SGCZ: variants seen among roughly 807,000 people sequenced by gnomAD.
SGCZ encodes sarcoglycan zeta.
A neutral mutation model predicts 41.3 loss-of-function variants in SGCZ; 40 were observed. The ratio of observed to expected loss-of-function variants is 0.97; its 90% CI spans 0.75 to 1.26. The LOEUF is 1.26. SGCZ is among the 50% of genes most tolerant of loss of function. The pLI, the probability that SGCZ is intolerant of heterozygous loss-of-function variation, is 0.00. For missense variants in SGCZ, 552 were observed against 369.8 expected (o/e 1.49, Z -4.04); for synonymous variants, 206 against 137.5 (o/e 1.50, Z -3.49).
chr8:15,117,222 G>A (rs960910439), intron 1 of SGCZ, among the ~76,000 whole-genome samples: 1 of 152,044 alleles, frequency 6.6e-6, no homozygotes, highest in Admixed American at 6.6e-5. Context: ...AGCTGGGCGC[G>A]GTAGCAGGCG....
intron 4 of SGCZ, among the ~76,000 whole-genome samples, chr8:14,184,013 A>T (rs1415924974): frequency 1.3e-5 from 2 of 152,178 alleles, no homozygotes; most frequent in African/African-American, 2.4e-5. Flanking sequence ...ATAAATATCG[A>T]TTTTATATTA....
chr8:14,756,698 A>C (rs985930407), intron 1 of SGCZ, among the ~76,000 whole-genome samples: 47 of 152,226 alleles, frequency 3.1e-4, no homozygotes, highest in African/African-American at 1.1e-3. Context: ...TTGATCAGTA[A>C]ATGGTGATAA....
intron 1 of SGCZ, among the ~76,000 whole-genome samples, chr8:15,076,851 A>G (rs1026604471): frequency 6.0e-5 from 9 of 150,272 alleles, no homozygotes; most frequent in Admixed American, 4.7e-4. Flanking sequence ...AAAGAGAGGG[A>G]AAAAAAAGAG....
intron 1 of SGCZ, among the ~76,000 whole-genome samples, chr8:15,165,803 A>C (rs1357553883): frequency 4.6e-5 from 7 of 152,236 alleles, no homozygotes; most frequent in African/African-American, 1.7e-4. Flanking sequence ...GGAATTGTGG[A>C]AATTAATCTT....
intron 1 of SGCZ, among the ~76,000 whole-genome samples, chr8:14,715,126 G>T (rs576518604): frequency 6.6e-6 from 1 of 152,070 alleles, no homozygotes; most frequent in Non-Finnish European, 1.5e-5. Context: ...GCATATTCAT[G>T]GAAATCTGGA....
intron 1 of SGCZ, among the ~76,000 whole-genome samples, chr8:14,667,525 G>C (rs1213562516): frequency 1.3e-5 from 2 of 152,182 alleles, no homozygotes; most frequent in East Asian, 1.9e-4. Context: ...TAAAAATACA[G>C]TCATAAAATA....
intron 1 of SGCZ, among the ~76,000 whole-genome samples, chr8:14,960,955 ACACACACACT>A (rs776251691): frequency 9.2e-4 from 137 of 148,358 alleles, no homozygotes; most frequent in African/African-American, 3.2e-3. Flanking sequence ...ACACACACAC[ACACACACACT>A]CACTCAAGCA....
At chr8:14,595,164 C>T (rs1393654376) in intron 1 of SGCZ, among the ~76,000 whole-genome samples, 1 of 152,092 alleles carries the variant, frequency 6.6e-6, no homozygotes, top group Non-Finnish European at 1.5e-5. Flanking sequence ...TTTCAAGTGT[C>T]CCCCTAGACT....
chr8:14,812,193 A>G (rs1801757390), intron 1 of SGCZ, among the ~76,000 whole-genome samples: 1 of 152,050 alleles, frequency 6.6e-6, no homozygotes, highest in Non-Finnish European at 1.5e-5. Flanking sequence ...AAATTTATAT[A>G]AATATTTTTA....
At chr8:14,819,538 G>C (rs1802010602) in intron 1 of SGCZ, among the ~76,000 whole-genome samples, 1 of 152,002 alleles carries the variant, frequency 6.6e-6, no homozygotes. Flanking sequence ...ACACATGAAA[G>C]TATGAAACTC....
chr8:15,066,421 G>C (rs557435163), intron 1 of SGCZ, among the ~76,000 whole-genome samples: 1 of 150,908 alleles, frequency 6.6e-6, no homozygotes. Flanking sequence ...TATAATAACT[G>C]TTCCAATAGT....
intron 3 of SGCZ, among the ~76,000 whole-genome samples, chr8:14,283,951 A>G (rs1489777376): frequency 3.3e-5 from 5 of 152,110 alleles, no homozygotes; most frequent in Admixed American, 2.0e-4. Flanking sequence ...CTTATTGGAT[A>G]TTTCCTTTCA....
intron 1 of SGCZ, among the ~76,000 whole-genome samples, chr8:15,174,371 G>T (rs1799937700): frequency 6.6e-6 from 1 of 152,148 alleles, no homozygotes; most frequent in South Asian, 2.1e-4. Flanking sequence ...AAACAGAGCT[G>T]CTAAAAACAT....
At chr8:14,359,130 C>G (rs373168778) in intron 2 of SGCZ, among the ~76,000 whole-genome samples, 59 of 148,570 alleles carry the variant, frequency 4.0e-4, no homozygotes, top group African/African-American at 1.4e-3. Flanking sequence ...AAACAAAGTA[C>G]AAGAAGACTA....
At chr8:14,505,564 G>T (rs1476122227) in intron 2 of SGCZ, among the ~76,000 whole-genome samples, 1 of 152,004 alleles carries the variant, frequency 6.6e-6, no homozygotes, top group Non-Finnish European at 1.5e-5. Context: ...TCTCAGCTTT[G>T]TATCTTTCTA....
In SGCZ at chr8:14,580,878, T is replaced by C. The variant is rs73535235; in HGVS notation, c.40-25952A>G. ...CCAGCGATAGAAACATCATGGTTGA[T>C]TAGGGCTCACTCATTCAAGCACAAT... is the stretch of plus-strand genomic sequence containing the variant. On this transcript the variant is annotated intron_variant, in intron 1 of 7. Transcript: ENST00000382080. 7.2e-3 allele frequency among the ~76,000 whole-genome samples: 1,095 copies of C among 152,284 alleles called. 12 individuals are homozygous for C. The highest frequency in any genetic ancestry group is 0.025 in the African/African-American group (1,042 of 41,558).
At chr8:14,449,088 G>C (rs527606090) in intron 2 of SGCZ, among the ~76,000 whole-genome samples, 1 of 152,116 alleles carries the variant, frequency 6.6e-6, no homozygotes, top group African/African-American at 2.4e-5. Flanking sequence ...AACAAGTCCT[G>C]CCAGCAAGTC....
At chr8:15,220,280 A>G (rs1375775782) in intron 1 of SGCZ, among the ~76,000 whole-genome samples, 3 of 152,200 alleles carry the variant, frequency 2.0e-5, no homozygotes, top group Non-Finnish European at 2.9e-5. Context: ...TATATACATC[A>G]GTTCCTTACT....
chr8:14,971,743 G>A (rs562752858), intron 1 of SGCZ, among the ~76,000 whole-genome samples: 22 of 148,596 alleles, frequency 1.5e-4, no homozygotes, highest in Non-Finnish European at 2.7e-4. Flanking sequence ...TCCACCTCCC[G>A]GGTTCAAGTG....
Sources: allele counts gnomAD v4.1 joint callset (sites outside exome capture counted in the v4.1 genomes callset), GRCh38; gene constraint gnomAD v4.1.1; transcripts MANE v1.5; gene names NCBI Gene and HGNC (gene_info 2026-07-23, HGNC 2026-07-21).